Variants in ROCK1 observed in about 807,000 individuals in gnomAD.
ROCK1 encodes rho-associated protein kinase 1.
ROCK1 carries 36 observed loss-of-function variants against 196.8 expected under a neutral mutation model. That is an observed-to-expected ratio of 0.18 (90% CI 0.14 to 0.24). The LOEUF (loss-of-function observed/expected upper bound fraction) is 0.24. Ranked by LOEUF, ROCK1 falls within the 10% of genes least tolerant of loss-of-function variation. The pLI is 1.00. For missense variants in ROCK1, 920 were observed against 1,562.0 expected (o/e 0.59, Z 6.93); for synonymous variants, 443 against 515.9 (o/e 0.86, Z 1.91).
intron 5 of ROCK1, 39 bp downstream of exon 5, chr18:21,045,253 C>G: frequency 6.6e-7 from 1 of 1,516,102 alleles, no homozygotes; most frequent in East Asian, 2.4e-5. Context: ...AGCTATTTCC[C>G]TCAACAAATG....
intron 20 of ROCK1, among the ~76,000 whole-genome samples, chr18:20,983,719 G>T (rs187393666): frequency 7.9e-4 from 120 of 152,104 alleles, no homozygotes; most frequent in African/African-American, 2.8e-3. Flanking sequence ...AAGAGGAAAA[G>T]AATTTCACCA....
chr18:21,019,738 C>CAGTG (rs1452606644), intron 12 of ROCK1, among the ~76,000 whole-genome samples: 49 of 151,006 alleles, frequency 3.2e-4, no homozygotes, highest in African/African-American at 1.2e-3. Context: ...GCGGAGCTTG[C>CAGTG]AGTGAGCCAA....
intron 12 of ROCK1, among the ~76,000 whole-genome samples, chr18:21,018,530 CAA>C (rs200960983): frequency 2.8e-4 from 26 of 91,856 alleles, no homozygotes; most frequent in Admixed American, 4.3e-4. Context: ...GATTTCGTCT[CAA>C]AAAAAAAAAA....
chr18:21,013,121 T>C (rs1407554508), intron 13 of ROCK1, among the ~76,000 whole-genome samples: 1 of 152,230 alleles, frequency 6.6e-6, no homozygotes, highest in Non-Finnish European at 1.5e-5. Context: ...TAGTTTATTA[T>C]TGTTTCTAAT....
At chr18:21,030,614 GA>G (rs1466344312) in intron 9 of ROCK1, among the ~76,000 whole-genome samples, 1 of 152,104 alleles carries the variant, frequency 6.6e-6, no homozygotes, top group Non-Finnish European at 1.5e-5. Flanking sequence ...TACAAGTGGG[GA>G]AAATATTGGA....
intron 18 of ROCK1, among the ~76,000 whole-genome samples, chr18:20,990,486 G>A (rs2143405903): frequency 1.3e-5 from 2 of 151,570 alleles, no homozygotes; most frequent in South Asian, 4.2e-4. Flanking sequence ...CCGAAGTCAG[G>A]AGTTCGAGAC....
intron 22 of ROCK1, among the ~76,000 whole-genome samples, chr18:20,972,275 T>G (rs73431079): frequency 6.6e-6 from 1 of 152,106 alleles, no homozygotes; most frequent in Admixed American, 6.5e-5. Flanking sequence ...CTTAAACAAC[T>G]AGGAATAACA....
At chr18:21,066,823 T>C (rs994771971) in intron 2 of ROCK1, among the ~76,000 whole-genome samples, 5 of 152,232 alleles carry the variant, frequency 3.3e-5, no homozygotes, top group African/African-American at 1.2e-4. Flanking sequence ...AATTTATCCA[T>C]TGATCAGCTG....
intron 11 of ROCK1, among the ~76,000 whole-genome samples, chr18:21,022,603 C>G (rs947182022): frequency 6.6e-6 from 1 of 152,152 alleles, no homozygotes; most frequent in Non-Finnish European, 1.5e-5. Flanking sequence ...TCCCTACACC[C>G]TTTGTGCTTT....
intron 14 of ROCK1, 78 bp from the exon 15 acceptor site, chr18:21,006,868 A>G: frequency 1.9e-6 from 2 of 1,073,952 alleles, no homozygotes; most frequent in East Asian, 2.6e-5. Context: ...TTAAAAAAAG[A>G]CATTTAGTCT....
At chr18:20,980,350 T>C (rs750348343) in intron 21 of ROCK1, among the ~76,000 whole-genome samples, 3 of 152,216 alleles carry the variant, frequency 2.0e-5, no homozygotes, top group African/African-American at 4.8e-5. Flanking sequence ...AAAAATATGC[T>C]GAGTGAAAGA....
intron 27 of ROCK1, 52 bp downstream of exon 27, chr18:20,966,865 A>G: frequency 1.5e-6 from 2 of 1,377,326 alleles, no homozygotes; most frequent in Non-Finnish European, 2.0e-6. Flanking sequence ...AGAAATATAC[A>G]CTAATTTCCA....
intron 1 of ROCK1, among the ~76,000 whole-genome samples, chr18:21,089,838 T>C (rs1334400849): frequency 6.6e-6 from 1 of 152,196 alleles, no homozygotes; most frequent in Non-Finnish European, 1.5e-5. Context: ...TGAATGCATA[T>C]AGCTTTACAC....
chr18:21,068,890 G>C (rs1257163599), intron 2 of ROCK1, among the ~76,000 whole-genome samples: 1 of 152,042 alleles, frequency 6.6e-6, no homozygotes, highest in South Asian at 2.1e-4. Flanking sequence ...TTTTCTATAT[G>C]GAAAATCATG....
rs1197681622 is a variant in ROCK1 at position 20,951,349 on chromosome 18, TC to T, written c.*34del. The T allele has an allele frequency of 6.3e-7, 1 of 1,598,372 alleles. No homozygotes were observed. Among genetic ancestry groups the T allele is most frequent in the Non-Finnish European group, 8.5e-7 (1 of 1,171,452 alleles). ...AAGAAGCCTGGTTTATCAGGTAGCA[TC>T]CCACACGATTCCACAGGGCACTCAG... is the stretch of plus-strand genomic sequence containing the variant. On this transcript the variant is annotated 3_prime_UTR_variant, in exon 33 of 33. Transcript: ENST00000399799.
chr18:20,988,462 A>T (rs565323033), intron 18 of ROCK1, among the ~76,000 whole-genome samples: 79 of 152,134 alleles, frequency 5.2e-4, no homozygotes, highest in Admixed American at 3.7e-3. Flanking sequence ...TTTCTAACTG[A>T]TCTCCCTTTT....
chr18:20,985,603 G>A (rs992529329), intron 19 of ROCK1, among the ~76,000 whole-genome samples: 1 of 152,174 alleles, frequency 6.6e-6, no homozygotes, highest in Non-Finnish European at 1.5e-5. Flanking sequence ...CTGGCTGTAA[G>A]TTCCAACACA....
At chr18:20,983,996 G>A (rs2035556206) in intron 20 of ROCK1, among the ~76,000 whole-genome samples, 1 of 152,204 alleles carries the variant, frequency 6.6e-6, no homozygotes, top group South Asian at 2.1e-4. Context: ...AGACATTTTT[G>A]CATTTTGAGA....
intron 16 of ROCK1, among the ~76,000 whole-genome samples, chr18:21,005,451 C>T (rs1343381633): frequency 6.6e-6 from 1 of 152,154 alleles, no homozygotes; most frequent in Non-Finnish European, 1.5e-5. Context: ...ATGAATTAGG[C>T]AAGTTTTTAA....
Sources: gnomAD v4.1 joint callset for allele counts (sites outside exome capture counted in the v4.1 genomes callset) on GRCh38, gnomAD v4.1.1 for gene constraint, MANE v1.5 for transcripts, NCBI Gene and HGNC (gene_info 2026-07-23, HGNC 2026-07-21) for gene names.